RANBP3L: variants seen among roughly 807,000 people sequenced by gnomAD.
RANBP3L encodes the protein RAN binding protein 3 like.
A neutral mutation model predicts 67.2 loss-of-function variants in RANBP3L; 56 were observed. The observed-to-expected ratio is 0.83, with a 90% CI of 0.67 to 1.04. The LOEUF is 1.04. Ranked by LOEUF, RANBP3L falls within the 50% of genes least tolerant of loss-of-function variation. The pLI is 0.00. For missense variants in RANBP3L, 496 were observed against 535.5 expected (o/e 0.93, Z 0.73); for synonymous variants, 164 against 181.4 (o/e 0.90, Z 0.77).
intron 13 of RANBP3L, among the ~76,000 whole-genome samples, chr5:36,250,354 T>C (rs2111580937): frequency 6.6e-6 from 1 of 152,152 alleles, no homozygotes; most frequent in East Asian, 1.9e-4. Context: ...GTTTTCTGAA[T>C]CACTGGGTCA....
chr5:36,276,202 T>C (rs1423165426), intron 1 of RANBP3L, among the ~76,000 whole-genome samples: 2 of 152,166 alleles, frequency 1.3e-5, no homozygotes, highest in Non-Finnish European at 2.9e-5. Flanking sequence ...AAGATCTGCT[T>C]TTTATGATGC....
At chr5:36,252,984 C>T (rs1348849647) in intron 12 of RANBP3L, among the ~76,000 whole-genome samples, 5 of 151,994 alleles carry the variant, frequency 3.3e-5, no homozygotes, top group African/African-American at 1.2e-4. Context: ...CCAGTCAGTC[C>T]ATGGGGAAAT....
intron 1 of RANBP3L, among the ~76,000 whole-genome samples, chr5:36,294,736 T>A (rs925076080): frequency 2.7e-5 from 4 of 148,912 alleles, no homozygotes; most frequent in East Asian, 2.0e-4. Context: ...TTATTTGGTT[T>A]TATATATATA....
Position 36,247,954 on chromosome 5 carries a change from A to G in RANBP3L, c.*1700T>C, listed in dbSNP as rs1394751179. On this transcript the variant is annotated 3_prime_UTR_variant, in exon 14 of 14. Transcript: ENST00000296604. Reference sequence around the variant, plus strand: ...CTTCACTTTAGCAATTTATAGTGCAATCACAATGTTCCCACATCAGCTGAG... The same window carrying G: ...CTTCACTTTAGCAATTTATAGTGCAGTCACAATGTTCCCACATCAGCTGAG... 1.3e-5 allele frequency among the ~76,000 whole-genome samples: 2 copies of G among 152,228 alleles called. No individual in the cohort carries two copies. The highest frequency in any genetic ancestry group is 2.9e-5 in the Non-Finnish European group (2 of 68,030).
rs535929237 is a variant in RANBP3L, at chr5:36,266,898, AGGCG to A, written c.269-1382_269-1379del. On this transcript the variant is annotated intron_variant, in intron 4 of 13. Coordinates refer to ENST00000296604, the MANE Select transcript of RANBP3L (RefSeq NM_145000.5). ...CAGCGCCCCAAGTAGCTGGAACTAC[AGGCG>A]TGCAACACCATGCCCGGCTAATTTT... Among the ~76,000 whole-genome samples the A allele has an allele frequency of 2.0e-4, 31 of 152,280 alleles. No homozygotes were observed. In the South Asian group the frequency reaches 5.8e-3, roughly 29 times the overall value.
In RANBP3L at chr5:36,281,983, G is replaced by A. The variant is rs1211474831; in HGVS notation, c.92-10672C>T. ...ATTAGGAGCAAATGTGGGACTTCTG[G>A]ATTGATAATGACAGAAAGAACTGTT... On this transcript the variant is annotated intron_variant, in intron 1 of 13. Coordinates refer to ENST00000296604, the MANE Select transcript of RANBP3L (RefSeq NM_145000.5). 2.6e-5 allele frequency among the ~76,000 whole-genome samples: 4 copies of A among 152,268 alleles called. 1 individual carries two copies. Among genetic ancestry groups the A allele is most frequent in the South Asian group, 4.1e-4 (2 of 4,826 alleles).
rs904382272 is a variant in RANBP3L, at chr5:36,251,318, C to T, written c.1349G>A (p.Gly450Glu). Reference sequence around the variant, plus strand: ...ACAAAACAAAAGCTATTTACCTGATCCATTTTTAGTGACTTGGATGAAATC... The same window carrying T: ...ACAAAACAAAAGCTATTTACCTGATTCATTTTTAGTGACTTGGATGAAATC... Reference protein sequence around the residue: ...EDDFIQVTKNGSDPSSWTHRQ... With the variant: ...EDDFIQVTKNESDPSSWTHRQ... The change falls in exon 13 of 14, where the codon GGA becomes GAA. Residue 450 changes from glycine (G) to glutamate (E), a missense_variant. Gly to Glu is a moderately conservative substitution (Grantham distance 98). Transcript: ENST00000296604. 1 of 1,610,838 alleles carries T rather than the reference C, an allele frequency of 6.2e-7. No individual in the cohort carries two copies. The highest frequency in any genetic ancestry group is 2.2e-5 in the East Asian group (1 of 44,800).
chr5:36,299,101 G>A (rs530071004), intron 1 of RANBP3L, among the ~76,000 whole-genome samples: 2 of 152,204 alleles, frequency 1.3e-5, no homozygotes, highest in South Asian at 4.1e-4. Flanking sequence ...GTGAAAAGGT[G>A]ACTGGCCTAG....
intron 6 of RANBP3L, 60 bp downstream of exon 6, chr5:36,264,899 C>A (rs377589826): frequency 1.4e-5 from 21 of 1,548,126 alleles, no homozygotes; most frequent in Middle Eastern, 1.7e-4. Flanking sequence ...GGGCCCCAAA[C>A]AACCTGCAAA....
At chr5:36,281,659 C>T (rs1190636925) in intron 1 of RANBP3L, among the ~76,000 whole-genome samples, 1 of 152,146 alleles carries the variant, frequency 6.6e-6, no homozygotes, top group African/African-American at 2.4e-5. Context: ...TTCAGTTTTG[C>T]CGTCTATAAA....
At chr5:36,289,235 A>T (rs1161854041) in intron 1 of RANBP3L, among the ~76,000 whole-genome samples, 1 of 152,038 alleles carries the variant, frequency 6.6e-6, no homozygotes, top group East Asian at 1.9e-4. Context: ...GTACTAATAG[A>T]TCAATTTCTG....
chr5:36,301,255 C>T (rs1300504856), intron 1 of RANBP3L, 71 bp downstream of exon 1: 4 of 1,162,496 alleles, frequency 3.4e-6, no homozygotes, highest in South Asian at 1.2e-5. Flanking sequence ...TTCACCAGCC[C>T]ACCATTCTTC....
chr5:36,268,515 G>T (rs997114091), intron 4 of RANBP3L, among the ~76,000 whole-genome samples: 1 of 151,990 alleles, frequency 6.6e-6, no homozygotes, highest in African/African-American at 2.4e-5. Flanking sequence ...ATGACCTCGA[G>T]GAACTCACAG....
At chr5:36,250,082 C>G (rs2111576610) in intron 13 of RANBP3L, among the ~76,000 whole-genome samples, 2 of 151,960 alleles carry the variant, frequency 1.3e-5, no homozygotes, top group Middle Eastern at 6.8e-3. Context: ...CATAGCACCC[C>G]TTTCCTAAAA....
At chr5:36,255,778 C>T (rs1748931419) in intron 10 of RANBP3L, among the ~76,000 whole-genome samples, 188 bp from the exon 11 acceptor site, 1 of 152,046 alleles carries the variant, frequency 6.6e-6, no homozygotes, top group Non-Finnish European at 1.5e-5. Context: ...GTTCAAACAT[C>T]AAAAAGTAAA....
intron 1 of RANBP3L, among the ~76,000 whole-genome samples, chr5:36,292,805 C>T (rs1751896627): frequency 6.6e-6 from 1 of 152,144 alleles, no homozygotes; most frequent in Non-Finnish European, 1.5e-5. Context: ...TTACTGTAGC[C>T]TTGTAGGATA....
At chr5:36,253,532 G>T (rs1164125888) in intron 12 of RANBP3L, 115 bp downstream of exon 12, 5 of 762,420 alleles carry the variant, frequency 6.6e-6, no homozygotes, top group East Asian at 5.1e-5. Context: ...ATAATGAATG[G>T]CTGAGTTTTT....
intron 8 of RANBP3L, among the ~76,000 whole-genome samples, chr5:36,258,752 C>T (rs1042296654): frequency 2.0e-5 from 3 of 152,200 alleles, no homozygotes; most frequent in Non-Finnish European, 2.9e-5. Flanking sequence ...ATCTCTCTGC[C>T]TGCTCTTATT....
chr5:36,267,482 T>C (rs908987931), intron 4 of RANBP3L, among the ~76,000 whole-genome samples: 1 of 150,240 alleles, frequency 6.7e-6, no homozygotes, highest in Non-Finnish European at 1.5e-5. Context: ...CACTCTAGCC[T>C]GGGCGACAGA....
Sources: allele counts gnomAD v4.1 joint callset (sites outside exome capture counted in the v4.1 genomes callset), GRCh38; gene constraint gnomAD v4.1.1; transcripts MANE v1.5; gene names NCBI Gene and HGNC (gene_info 2026-07-23, HGNC 2026-07-21).